DMRTC2: variants seen among roughly 807,000 people sequenced by gnomAD.
DMRTC2 encodes the protein doublesex- and mab-3-related transcription factor C2.
DMRTC2 carries 13 observed loss-of-function variants against 39.9 expected under a neutral mutation model. That is an observed-to-expected ratio of 0.33 (90% CI 0.21 to 0.52). The LOEUF is 0.52. Among genes scored for constraint, DMRTC2 ranks in the 20% least tolerant of loss-of-function variants. The pLI, the probability that DMRTC2 is intolerant of heterozygous loss-of-function variation, is 0.96. For missense variants in DMRTC2, 431 were observed against 472.8 expected, an observed-to-expected ratio of 0.91 and a Z score of 0.82; for synonymous variants, 189 against 185.2, an observed-to-expected ratio of 1.02 and a Z score of -0.17.
Position 41,850,702 on chromosome 19 carries a change from T to G in DMRTC2, c.991+2T>G. The G allele has an allele frequency of 6.4e-7, 1 of 1,564,272 alleles. No homozygotes were observed. ...TGCTTCACCCCTGTGGCCCACCAGGTGGGCCATGAAAGGAGAGGATGGATA... is the reference window on the plus strand; with the variant it reads ...TGCTTCACCCCTGTGGCCCACCAGGGGGGCCATGAAAGGAGAGGATGGATA... On this transcript the variant is annotated splice_donor_variant, in intron 8 of 8. Coordinates refer to ENST00000269945, the MANE Select transcript of DMRTC2 (RefSeq NM_001040283.3). LOFTEE classifies it high-confidence loss of function.
At chr19:41,848,058 G>A (rs2073892564) in intron 3 of DMRTC2, among the ~76,000 whole-genome samples, 177 bp downstream of exon 3, 2 of 152,212 alleles carry the variant, frequency 1.3e-5, no homozygotes, top group African/African-American at 4.8e-5. Flanking sequence ...GGTCAAAAAT[G>A]GGCTAGAGGC....
chr19:41,849,847 A>G (rs1371142692), intron 6 of DMRTC2, among the ~76,000 whole-genome samples: 1 of 152,200 alleles, frequency 6.6e-6, no homozygotes, highest in African/African-American at 2.4e-5. Flanking sequence ...TGGGAGGCTG[A>G]GGTGGGAGGA....
chr19:41,848,928 G>C lies in DMRTC2; in HGVS notation c.581G>C (p.Cys194Ser). 1.2e-6 allele frequency: 2 copies of C among 1,613,904 alleles called. No homozygotes were observed. The highest frequency in any genetic ancestry group is 1.7e-6 in the Non-Finnish European group (2 of 1,180,050). Residue 194 changes from cysteine to serine, a missense_variant, in exon 5 of 9, where the codon TGC (cysteine) becomes TCC (serine). Cys to Ser is a moderately radical substitution (Grantham distance 112). Transcript: ENST00000269945. ...TTCTCCATGCCACCACCAGTGGTGT[G>C]CCGCCTGCTGTACCAAGAACCTGCT... is the stretch of plus-strand genomic sequence containing the variant. ...PGFSMPPPVV[C>S]RLLYQEPAVS...
At chr19:41,847,364 G>T in intron 1 of DMRTC2, 61 bp from the exon 2 acceptor site, 1 of 1,500,478 alleles carries the variant, frequency 6.7e-7, no homozygotes. Context: ...GGTCTCCAGG[G>T]CAGGAGGGTT....
At position 41,851,708 on chromosome 19, in the gene DMRTC2, T is replaced by G. The variant is rs1414159903; in HGVS notation, c.*12T>G. 2 of 1,611,370 alleles carry G rather than the reference T, an allele frequency of 1.2e-6. No individual in the cohort carries two copies. The highest frequency in any genetic ancestry group is 2.7e-5 in the African/African-American group (2 of 74,662). On this transcript the variant is annotated 3_prime_UTR_variant, in exon 9 of 9. Coordinates refer to ENST00000269945, the MANE Select transcript of DMRTC2 (RefSeq NM_001040283.3). ...CCCTCCTGAGCTAGAAACCCAGAGA[T>G]GGAGGCTGTCTTGCTATGGCAGGGA... is the stretch of plus-strand genomic sequence containing the variant.
chr19:41,848,854 T>A lies in DMRTC2; in HGVS notation c.507T>A (p.Thr169=). ...HPPEASPLSW[T]PVPPGPWVPG... is the part of the protein sequence containing the mutation. ...CGGAAGCCTCGCCCTTGTCCTGGAC[T>A]CCGGTGCCTCCTGGCCCTTGGGTCC... is the stretch of plus-strand genomic sequence containing the variant. Residue 169 remains threonine (T), a synonymous_variant, in exon 5 of 9, where the codon ACT becomes ACA. Coordinates refer to ENST00000269945, the MANE Select transcript of DMRTC2 (RefSeq NM_001040283.3). 6.2e-7 allele frequency: 1 copy of A among 1,612,138 alleles called. No individual in the cohort carries two copies. The highest frequency in any genetic ancestry group is 8.5e-7 in the Non-Finnish European group (1 of 1,180,030).
intron 3 of DMRTC2, 30 bp downstream of exon 3, chr19:41,847,911 G>A (rs781795430): frequency 1.3e-6 from 2 of 1,561,632 alleles, no homozygotes; most frequent in Admixed American, 1.9e-5. Context: ...GATGGGGCAG[G>A]AGTTTGGGTA....
At chr19:41,848,256 G>C (rs1259447558) in intron 3 of DMRTC2, among the ~76,000 whole-genome samples, 196 bp from the exon 4 acceptor site, 1 of 152,110 alleles carries the variant, frequency 6.6e-6, no homozygotes, top group African/African-American at 2.4e-5. Context: ...TGAGGCAGGA[G>C]AATCACTTGA....
At position 41,851,767 on chromosome 19, in the gene DMRTC2, C is replaced by G. The variant is rs2073960560; in HGVS notation, c.*71C>G. On this transcript the variant is annotated 3_prime_UTR_variant, in exon 9 of 9. Transcript: ENST00000269945. ...CCTGCTGGCACTGTATATTTAGTGT[C>G]TTACTTAAGGATTTATGCATGGAAT... The G allele has an allele frequency of 2.3e-6, 3 of 1,331,218 alleles. No homozygotes were observed. Among genetic ancestry groups the G allele is most frequent in the African/African-American group, 2.9e-5 (2 of 69,134 alleles). 82.5% of individuals were successfully genotyped at this position (1,331,218 alleles called of 1,614,324 possible). A position where few individuals can be genotyped will look rare whatever the true frequency, so the allele number is the denominator to read the frequency against.
rs1194325952 is a variant in DMRTC2 at position 41,848,596 on chromosome 19, G to GC, written c.447+71dup. 54 of 1,370,278 alleles carry GC rather than the reference G, an allele frequency of 3.9e-5. 1 individual carries two copies. In the Admixed American group the frequency reaches 1.1e-3, roughly 29 times the overall value. 84.9% of individuals were successfully genotyped at this position (1,370,278 alleles called of 1,614,324 possible). On this transcript the variant is annotated intron_variant, in intron 4 of 8. Transcript: ENST00000269945. ...TTCCTACCCAGACCCTTTCTTCTGT[G>GC]CCCTCAACACCTGGGTTCTAGCCCC...
Position 41,847,406 on chromosome 19 carries a change from C to G in DMRTC2, c.-4-19C>G. ...GGCAGGCCCACCTGGCTATGCTTACCTTCCACTCCTGCCCCTAGATCCATG... is the reference window on the plus strand; with the variant it reads ...GGCAGGCCCACCTGGCTATGCTTACGTTCCACTCCTGCCCCTAGATCCATG... On this transcript the variant is annotated intron_variant, in intron 1 of 8. Coordinates refer to ENST00000269945, the MANE Select transcript of DMRTC2 (RefSeq NM_001040283.3). 6.5e-7 allele frequency: 1 copy of G among 1,527,732 alleles called. No individual in the cohort carries two copies. Among genetic ancestry groups the G allele is most frequent in the Non-Finnish European group, 8.8e-7 (1 of 1,138,410 alleles). 94.6% of individuals were successfully genotyped at this position (1,527,732 alleles called of 1,614,324 possible). A position where few individuals can be genotyped will look rare whatever the true frequency, so the allele number is the denominator to read the frequency against.
chr19:41,848,426 T>G lies in DMRTC2; in HGVS notation c.371-26T>G, dbSNP rs1555836494. On this transcript the variant is annotated intron_variant, in intron 3 of 8. Transcript: ENST00000269945. ...GATAGGGGTCAGGAGAAAGGGCTCATTAGAGCTCTCCCTGGTCCTTCACAG... is the reference window on the plus strand; with the variant it reads ...GATAGGGGTCAGGAGAAAGGGCTCAGTAGAGCTCTCCCTGGTCCTTCACAG... 3.2e-6 allele frequency: 5 copies of G among 1,582,388 alleles called. No homozygotes were observed. In the African/African-American group the frequency reaches 6.8e-5, roughly 21 times the overall value.
chr19:41,848,175 G>C (rs577043219), intron 3 of DMRTC2, among the ~76,000 whole-genome samples: 1 of 152,188 alleles, frequency 6.6e-6, no homozygotes, highest in South Asian at 2.1e-4. Context: ...GTGAAACCCC[G>C]TCTCTACTAA....
chr19:41,847,226 G>A, intron 1 of DMRTC2, 199 bp from the exon 2 acceptor site: 1 of 932,350 alleles, frequency 1.1e-6, no homozygotes, highest in Non-Finnish European at 1.3e-6. Flanking sequence ...AGAAGAGGAA[G>A]AGGAGAGGGG....
At position 41,850,629 on chromosome 19, in the gene DMRTC2, C is replaced by T. The variant is rs976487122; in HGVS notation, c.920C>T (p.Ala307Val). The change falls in exon 8 of 9, where the codon GCT becomes GTT. Residue 307 changes from alanine (A) to valine (V), a missense_variant. By Grantham distance (64) the Ala-to-Val change is moderately conservative. Coordinates refer to ENST00000269945, the MANE Select transcript of DMRTC2 (RefSeq NM_001040283.3). Reference protein sequence around the residue: ...ALVGLKDSSQAPRVTPSVPPN... With the variant: ...ALVGLKDSSQVPRVTPSVPPN... ...GTGGGGCTGAAAGATTCATCCCAGG[C>T]TCCTCGTGTGACCCCTTCTGTGCCC... 1.9e-6 allele frequency: 3 copies of T among 1,613,620 alleles called. No individual in the cohort carries two copies. The African/African-American group carries it at 4.0e-5, about 22-fold the overall frequency.
At chr19:41,850,909 T>C (rs1341945617) in intron 8 of DMRTC2, 1 of 500,476 alleles carries the variant, frequency 2.0e-6, no homozygotes, top group Non-Finnish European at 3.4e-6. Context: ...AGCAAATTTC[T>C]TGATATCAAG....
At chr19:41,851,068 C>A in intron 8 of DMRTC2, 1 of 255,164 alleles carries the variant, frequency 3.9e-6, no homozygotes, top group East Asian at 7.9e-5. Context: ...TAAGTGCCTT[C>A]AAGGAGCTTA....
Position 41,845,067 on chromosome 19 carries a change from C to G in DMRTC2, c.-39C>G, listed in dbSNP as rs1169744962. 1 of 152,232 alleles carries G rather than the reference C, an allele frequency of 6.6e-6. No individual in the cohort carries two copies. The highest frequency in any genetic ancestry group is 1.5e-5 in the Non-Finnish European group (1 of 68,058). 9.4% of individuals were successfully genotyped at this position (152,232 alleles called of 1,614,324 possible). ...ACTTTCTCACAGTGTCTTTGGGCGT[C>G]TTCTTGACTGAATCTGACTCCATTG... On this transcript the variant is annotated 5_prime_UTR_variant, in exon 1 of 9. Coordinates refer to ENST00000269945, the MANE Select transcript of DMRTC2 (RefSeq NM_001040283.3).
chr19:41,850,465 A>G (rs1555837105), intron 7 of DMRTC2, 61 bp from the exon 8 acceptor site: 4 of 1,578,304 alleles, frequency 2.5e-6, no homozygotes, highest in African/African-American at 1.4e-5. Context: ...GGGCTGAGGA[A>G]CACTTAGAGG....
Sources: allele counts gnomAD v4.1 joint callset (sites outside exome capture counted in the v4.1 genomes callset), GRCh38; gene constraint gnomAD v4.1.1; transcripts MANE v1.5; gene names NCBI Gene and HGNC (gene_info 2026-07-23, HGNC 2026-07-21).